The following BMX variants were observed in gnomAD, a reference collection of about 807,000 sequenced individuals.
BMX encodes cytoplasmic tyrosine-protein kinase BMX.
A neutral mutation model predicts 59.2 loss-of-function variants in BMX; 31 were observed. That is an observed-to-expected ratio of 0.52 (90% CI 0.39 to 0.71). The LOEUF (loss-of-function observed/expected upper bound fraction) is 0.71, where lower values mean the gene tolerates loss of function less well. Among genes scored for constraint, BMX ranks in the 30% least tolerant of loss-of-function variants. BMX has a pLI of 0.00. For synonymous variants in BMX, 185 were observed against 181.0 expected, an observed-to-expected ratio of 1.02 and a Z score of -0.18; for missense variants, 474 against 491.7, an observed-to-expected ratio of 0.96 and a Z score of 0.34.
chrX:15,513,715 A>G (rs771105878), intron 4 of BMX, among the ~76,000 whole-genome samples: 1 of 111,902 alleles, frequency 8.9e-6, no homozygotes, highest in Non-Finnish European at 1.9e-5. Context: ...CCAGATGTGG[A>G]AAAAATGTGC....
At chrX:15,540,999 G>T (rs181603331) in intron 14 of BMX, among the ~76,000 whole-genome samples, 244 of 105,534 alleles carry the variant, frequency 2.3e-3, no homozygotes, top group African/African-American at 8.0e-3. Flanking sequence ...CACTGCTAGA[G>T]ACTCCGCTAG....
In BMX at chrX:15,542,095, G is replaced by A. The variant is rs757112613; in HGVS notation, c.1508G>A (p.Ser503Asn). The change falls in exon 15 of 19, where the codon AGT (serine) becomes AAT (asparagine). Residue 503 changes from serine (S) to asparagine (N), a missense_variant. By Grantham distance (46) the Ser-to-Asn change is conservative. Coordinates refer to ENST00000348343, the MANE Select transcript of BMX (RefSeq NM_203281.3). ...GGCTGCTTGCTGAATTACCTGAGGA[G>A]TCACGGAAAAGGACTTGAACCTTCC... ...SNGCLLNYLR[S>N]HGKGLEPSQL... The A allele has an allele frequency of 4.1e-6, 5 of 1,211,623 alleles. No individual in the cohort carries two copies. The East Asian group carries it at 1.2e-4, about 29-fold the overall frequency.
Position 15,543,077 on chromosome X carries a change from C to T in BMX, c.1618C>T (p.Arg540Cys), listed in dbSNP as rs759748843. 2.5e-6 allele frequency: 3 copies of T among 1,207,828 alleles called. No individual in the cohort carries two copies. Among genetic ancestry groups the T allele is most frequent in the Admixed American group, 2.2e-5 (1 of 45,842 alleles). Residue 540 changes from arginine (R) to cysteine (C), a missense_variant, in exon 16 of 19, where the codon CGT (arginine) becomes TGT (cysteine). By Grantham distance (180) the Arg-to-Cys change is radical. Transcript: ENST00000348343. ...TTTTGTTTTTCCTTTAAAGGCTGCT[C>T]GTAACTGCTTGGTGGACAGAGATCT... ...HQFIHRDLAARNCLVDRDLCV... is the reference protein window; with the variant it reads ...HQFIHRDLAACNCLVDRDLCV...
intron 1 of BMX, among the ~76,000 whole-genome samples, chrX:15,501,774 G>A (rs935884878): frequency 2.7e-5 from 3 of 111,433 alleles, no homozygotes; most frequent in African/African-American, 9.8e-5. Flanking sequence ...CAAATACACA[G>A]TCAATAAGGG....
At chrX:15,548,169 T>C (rs1414837933) in intron 17 of BMX, among the ~76,000 whole-genome samples, 1 of 112,002 alleles carries the variant, frequency 8.9e-6, no homozygotes, top group Non-Finnish European at 1.9e-5. Context: ...TCAAAATTAG[T>C]TTTGAGGCTG....
intron 4 of BMX, among the ~76,000 whole-genome samples, chrX:15,515,168 G>A (rs1216151364): frequency 1.8e-5 from 2 of 108,455 alleles, no homozygotes; most frequent in African/African-American, 6.7e-5. Context: ...AGGGGCAAGG[G>A]GTGGGAGAGC....
chrX:15,532,580 T>G (rs1421464483), intron 11 of BMX, among the ~76,000 whole-genome samples: 1 of 112,367 alleles, frequency 8.9e-6, no homozygotes, highest in African/African-American at 3.2e-5. Context: ...AATTTCTATG[T>G]GTGCAACTCT....
chrX:15,522,296 C>T, intron 6 of BMX, 50 bp from the exon 7 acceptor site: 3 of 1,183,303 alleles, frequency 2.5e-6, no homozygotes, highest in Non-Finnish European at 3.4e-6. Context: ...GTTCCCGGTA[C>T]CTGAATCTGT....
chrX:15,509,832 GAGTTA>G (rs1309216529), intron 3 of BMX, among the ~76,000 whole-genome samples: 1 of 111,885 alleles, frequency 8.9e-6, no homozygotes. Context: ...GTGAGGGTGA[GAGTTA>G]AGGTGGAGGT....
intron 18 of BMX, among the ~76,000 whole-genome samples, chrX:15,554,268 G>C (rs1202074485): frequency 8.9e-6 from 1 of 112,196 alleles, no homozygotes; most frequent in Non-Finnish European, 1.9e-5. Flanking sequence ...CACCAATGGA[G>C]TGCATTGTCA....
intron 2 of BMX, among the ~76,000 whole-genome samples, chrX:15,508,711 C>T (rs950281423): frequency 1.8e-5 from 2 of 112,165 alleles, no homozygotes; most frequent in African/African-American, 3.2e-5. Flanking sequence ...CAAATTATAA[C>T]TTTAGAACAG....
intron 18 of BMX, among the ~76,000 whole-genome samples, chrX:15,555,397 C>T (rs1160987825): frequency 9.2e-6 from 1 of 108,693 alleles, no homozygotes; most frequent in Non-Finnish European, 1.9e-5. Context: ...TTAGTAGAGA[C>T]AGGGTTTCGC....
At chrX:15,511,386 G>A in intron 3 of BMX, 51 bp from the exon 4 acceptor site, 1 of 1,050,061 alleles carries the variant, frequency 9.5e-7, no homozygotes, top group Non-Finnish European at 1.3e-6. Flanking sequence ...GTGCACCAAA[G>A]TGAAGTATGG....
intron 4 of BMX, among the ~76,000 whole-genome samples, chrX:15,515,258 T>A (rs767343784): frequency 9.1e-6 from 1 of 110,070 alleles, no homozygotes; most frequent in Non-Finnish European, 1.9e-5. Context: ...CCATGGCACA[T>A]GTATCCCTAT....
chrX:15,527,552 C>T (rs1434728785), intron 9 of BMX, among the ~76,000 whole-genome samples: 1 of 111,026 alleles, frequency 9.0e-6, no homozygotes, highest in Non-Finnish European at 1.9e-5. Context: ...GAGCATATTG[C>T]ATTTCTCAGA....
chrX:15,508,526 T>C lies in BMX; in HGVS notation c.138+35T>C, dbSNP rs748829493. 3.8e-6 allele frequency: 4 copies of C among 1,065,363 alleles called. No individual in the cohort carries two copies. The South Asian group carries it at 9.4e-5, about 25-fold the overall frequency. 87.8% of individuals were successfully genotyped at this position (1,065,363 alleles called of 1,213,427 possible). On this transcript the variant is annotated intron_variant, in intron 2 of 18. Transcript: ENST00000348343. Reference sequence around the variant, plus strand: ...CATGTGTTCCATTATTTTTATACTATTTATTATTTTTCCTAAGTCTCCACA... The same window carrying C: ...CATGTGTTCCATTATTTTTATACTACTTATTATTTTTCCTAAGTCTCCACA...
At chrX:15,542,989 G>A (rs1445695244) in intron 15 of BMX, 82 bp from the exon 16 acceptor site, 3 of 954,651 alleles carry the variant, frequency 3.1e-6, no homozygotes, top group African/African-American at 3.8e-5. Context: ...AGATTTTGCT[G>A]AGAATTCTAC....
chrX:15,537,010 A>T, intron 13 of BMX, 124 bp from the exon 14 acceptor site: 1 of 767,554 alleles, frequency 1.3e-6, no homozygotes, highest in Non-Finnish European at 1.9e-6. Context: ...TTATCAACTT[A>T]AAATAAAAAG....
chrX:15,538,206 T>TCTCTCTCTCC (rs774253575), intron 14 of BMX, among the ~76,000 whole-genome samples: 11 of 108,091 alleles, frequency 1.0e-4, no homozygotes, highest in Admixed American at 3.0e-4. Flanking sequence ...TCTCCTTCTC[T>TCTCTCTCTCC]CTCTCTCTCC....
Sources: allele counts gnomAD v4.1 joint callset (sites outside exome capture counted in the v4.1 genomes callset), GRCh38; gene constraint gnomAD v4.1.1; transcripts MANE v1.5; gene names NCBI Gene and HGNC (gene_info 2026-07-23, HGNC 2026-07-21).